PRKCZ: variants seen among roughly 807,000 people sequenced by gnomAD.
The protein encoded by PRKCZ is protein kinase C zeta.
In PRKCZ, 33 loss-of-function variants were observed where a neutral mutation model predicts 79.5. The ratio of observed to expected loss-of-function variants is 0.41; its 90% confidence interval spans 0.31 to 0.55. The LOEUF (loss-of-function observed/expected upper bound fraction) is 0.55, where lower values mean the gene tolerates loss of function less well. Among genes scored for constraint, PRKCZ ranks in the 20% least tolerant of loss-of-function variants. The probability of loss-of-function intolerance (pLI) is 0.19; values close to 1 mark genes in which losing one functional copy is unlikely to be tolerated. For missense variants in PRKCZ, 578 were observed against 813.5 expected (o/e 0.71, Z 3.52); for synonymous variants, 342 against 320.9 (o/e 1.07, Z -0.70).
At chr1:2,107,039 GTTGT>G in intron 4 of PRKCZ, among the ~76,000 whole-genome samples, 1 of 152,282 alleles carries the variant, frequency 6.6e-6, no homozygotes, top group East Asian at 1.9e-4. Flanking sequence ...GGCTGTCTCA[GTTGT>G]TTAAGAGAGT....
intron 15 of PRKCZ, 100 bp from the exon 16 acceptor site, chr1:2,175,124 G>A: frequency 9.8e-7 from 1 of 1,024,926 alleles, no homozygotes; most frequent in South Asian, 1.4e-5. Context: ...CAGAGCATCG[G>A]GGGAGGGCTT....
At chr1:2,114,589 C>T (rs1055590671) in intron 4 of PRKCZ, among the ~76,000 whole-genome samples, 1 of 152,170 alleles carries the variant, frequency 6.6e-6, no homozygotes, top group African/African-American at 2.4e-5. Flanking sequence ...TCCTGGCTAA[C>T]ACGGTGAAAT....
At chr1:2,102,281 G>A (rs1391259327) in intron 4 of PRKCZ, among the ~76,000 whole-genome samples, 1 of 151,506 alleles carries the variant, frequency 6.6e-6, no homozygotes, top group Non-Finnish European at 1.5e-5. Flanking sequence ...TCTCGTGTGG[G>A]CTTTGTGAAG....
At chr1:2,104,341 C>T (rs904146064) in intron 4 of PRKCZ, among the ~76,000 whole-genome samples, 6 of 152,168 alleles carry the variant, frequency 3.9e-5, no homozygotes, top group African/African-American at 9.7e-5. Flanking sequence ...CCTAGCCCCA[C>T]GGGCTGAGGG....
intron 4 of PRKCZ, among the ~76,000 whole-genome samples, chr1:2,080,471 C>G (rs1663290667): frequency 6.6e-6 from 1 of 152,076 alleles, no homozygotes; most frequent in South Asian, 2.1e-4. Flanking sequence ...TGATGCTGCC[C>G]CCCGTGCGAC....
chr1:2,155,958 CG>C, intron 9 of PRKCZ, 36 bp from the exon 10 acceptor site: 5 of 1,577,260 alleles, frequency 3.2e-6, no homozygotes, highest in Non-Finnish European at 4.4e-6. Flanking sequence ...GAGGAGCATT[CG>C]GGAGCCTCAT....
chr1:2,121,478 A>T (rs1671878010), intron 4 of PRKCZ, among the ~76,000 whole-genome samples: 1 of 57,804 alleles, frequency 1.7e-5, no homozygotes, highest in Non-Finnish European at 3.2e-5. Context: ...GGCGGTAGTT[A>T]GTTAGGGTCA....
chr1:2,067,096 C>T (rs756814871), intron 4 of PRKCZ, among the ~76,000 whole-genome samples: 1 of 152,172 alleles, frequency 6.6e-6, no homozygotes, highest in Non-Finnish European at 1.5e-5. Context: ...TTTCTGTTAA[C>T]TGATTTCTAA....
chr1:2,169,301 G>T, intron 10 of PRKCZ: 1 of 596,004 alleles, frequency 1.7e-6, no homozygotes, highest in South Asian at 1.5e-5. Flanking sequence ...CGAGGCCCCC[G>T]CATGACTCCC....
chr1:2,119,213 CT>C (rs201938015), intron 4 of PRKCZ, among the ~76,000 whole-genome samples: 2,394 of 126,348 alleles, frequency 0.019, 29 homozygotes, highest in African/African-American at 0.049. Context: ...TTATTTTTTC[CT>C]TTTTTTTTTT....
chr1:2,115,563 A>G (rs1670595732), intron 4 of PRKCZ, among the ~76,000 whole-genome samples: 1 of 152,178 alleles, frequency 6.6e-6, no homozygotes, highest in Non-Finnish European at 1.5e-5. Flanking sequence ...CCTGCAGATG[A>G]AGGGCTCATT....
intron 4 of PRKCZ, among the ~76,000 whole-genome samples, chr1:2,062,590 A>G (rs921201710): frequency 6.6e-6 from 1 of 151,298 alleles, no homozygotes; most frequent in Non-Finnish European, 1.5e-5. Context: ...CTCAGGCTCA[A>G]GCGGTCCTCA....
chr1:2,162,922 C>T (rs1401394418), intron 10 of PRKCZ, among the ~76,000 whole-genome samples: 3 of 152,158 alleles, frequency 2.0e-5, no homozygotes, highest in Non-Finnish European at 4.4e-5. Context: ...TCTGAGTTCT[C>T]TTCCTTGTAG....
chr1:2,105,724 A>G (rs927081770), intron 4 of PRKCZ, among the ~76,000 whole-genome samples: 11 of 152,166 alleles, frequency 7.2e-5, no homozygotes, highest in Non-Finnish European at 1.6e-4. Context: ...ATAAATGTCT[A>G]AGCAAAATGA....
intron 4 of PRKCZ, among the ~76,000 whole-genome samples, chr1:2,099,684 G>T (rs1426746510): frequency 6.6e-6 from 1 of 152,200 alleles, no homozygotes; most frequent in Non-Finnish European, 1.5e-5. Context: ...CACTGGACGG[G>T]GCAGCGTGGA....
At chr1:2,135,372 C>G in intron 5 of PRKCZ, 25 bp downstream of exon 5, 1 of 1,571,970 alleles carries the variant, frequency 6.4e-7, no homozygotes, top group South Asian at 1.1e-5. Context: ...TGGGACTAGT[C>G]CCTCAAGGGG....
chr1:2,132,009 C>G (rs1390527741), intron 4 of PRKCZ, among the ~76,000 whole-genome samples: 1 of 152,184 alleles, frequency 6.6e-6, no homozygotes, highest in African/African-American at 2.4e-5. Context: ...GACGGGGTTT[C>G]ACCGTGTTAG....
rs1189000614 is a variant in PRKCZ, at chr1:2,174,731, C to T, written c.1406-23C>T. ...AAATGGCACACAACACAGGCAAGTC[C>T]TCACCAGGCTCCGCCCTTGCAGTGA... On this transcript the variant is annotated intron_variant, in intron 14 of 17. Coordinates refer to ENST00000378567, the MANE Select transcript of PRKCZ (RefSeq NM_002744.6). This position sits in a 1 kb window ranked among gnomAD's most constrained non-coding sequence, Gnocchi z 6.2. The T allele has an allele frequency of 6.2e-6, 10 of 1,611,324 alleles. No homozygotes were observed. Among genetic ancestry groups the T allele is most frequent in the Admixed American group, 5.0e-5 (3 of 59,992 alleles).
rs557202100 is a variant in PRKCZ at position 2,130,013 on chromosome 1, C to T, written c.335-5249C>T. Among the ~76,000 whole-genome samples the T allele has an allele frequency of 1.5e-3, 234 of 152,314 alleles. 1 individual carries two copies. Among genetic ancestry groups the T allele is most frequent in the African/African-American group, 5.4e-3 (226 of 41,560 alleles). ...CACCTGCCAGGCTCAGGTGATCCTC[C>T]CACCTCAGCCTCCCGAGTAGCTGGG... On this transcript the variant is annotated intron_variant, in intron 4 of 17. Coordinates refer to ENST00000378567, the MANE Select transcript of PRKCZ (RefSeq NM_002744.6).
Sources: allele counts gnomAD v4.1 joint callset (sites outside exome capture counted in the v4.1 genomes callset), GRCh38; gene constraint gnomAD v4.1.1; non-coding constraint Gnocchi (gnomAD v3.1); transcripts MANE v1.5; gene names NCBI Gene and HGNC (gene_info 2026-07-23, HGNC 2026-07-21).